PTPRT: variants seen among roughly 807,000 people sequenced by gnomAD.
The protein encoded by PTPRT is receptor-type tyrosine-protein phosphatase T.
PTPRT carries 56 observed loss-of-function variants against 176.8 expected under a neutral mutation model. The observed-to-expected ratio is 0.32, with a 90% CI of 0.26 to 0.40. The LOEUF (loss-of-function observed/expected upper bound fraction) is 0.40. Ranked by LOEUF, PTPRT falls within the 10% of genes least tolerant of loss-of-function variation. The probability of loss-of-function intolerance (pLI) is 1.00; values close to 1 mark genes in which losing one functional copy is unlikely to be tolerated. For missense variants in PTPRT, 1,540 were observed against 1,908.2 expected, an observed-to-expected ratio of 0.81 and a Z score of 3.60; for synonymous variants, 783 against 739.0, an observed-to-expected ratio of 1.06 and a Z score of -0.96.
chr20:43,102,741 G>A (rs1303480322), intron 1 of PTPRT, among the ~76,000 whole-genome samples: 2 of 152,130 alleles, frequency 1.3e-5, no homozygotes, highest in Non-Finnish European at 2.9e-5. Flanking sequence ...ACTGCACGCT[G>A]GTACCTATGG....
At chr20:43,094,151 G>A (rs559990282) in intron 1 of PTPRT, among the ~76,000 whole-genome samples, 25 of 146,846 alleles carry the variant, frequency 1.7e-4, no homozygotes, top group Non-Finnish European at 3.1e-4. Context: ...GCAGTGGCGC[G>A]ATCTAGGCTC....
At chr20:42,693,773 T>G (rs969975573) in intron 6 of PTPRT, among the ~76,000 whole-genome samples, 2 of 152,124 alleles carry the variant, frequency 1.3e-5, no homozygotes, top group African/African-American at 4.8e-5. Context: ...AAATAGAATG[T>G]TTCTGACCCT....
At chr20:42,793,428 T>C (rs1341520865) in intron 2 of PTPRT, among the ~76,000 whole-genome samples, 1 of 152,232 alleles carries the variant, frequency 6.6e-6, no homozygotes, top group African/African-American at 2.4e-5. Flanking sequence ...AGTGAGAACA[T>C]GCCGTATTGA....
At chr20:42,905,896 A>G (rs1185052128) in intron 1 of PTPRT, among the ~76,000 whole-genome samples, 6 of 144,594 alleles carry the variant, frequency 4.1e-5, no homozygotes, top group Admixed American at 1.4e-4. Context: ...AGCAGGGAAC[A>G]TCACACACTG....
chr20:42,685,241 A>G (rs894719167), intron 6 of PTPRT, among the ~76,000 whole-genome samples: 1 of 152,246 alleles, frequency 6.6e-6, no homozygotes, highest in African/African-American at 2.4e-5. Context: ...TGAAGAACGC[A>G]GAGAAGAAAA....
intron 2 of PTPRT, among the ~76,000 whole-genome samples, chr20:42,815,303 G>A (rs142300394): frequency 6.6e-6 from 1 of 152,230 alleles, no homozygotes; most frequent in East Asian, 1.9e-4. Context: ...GGGTAGGGGG[G>A]ATAGAGTGTG....
At chr20:42,900,472 T>G (rs2079384441) in intron 1 of PTPRT, among the ~76,000 whole-genome samples, 1 of 152,098 alleles carries the variant, frequency 6.6e-6, no homozygotes, top group Non-Finnish European at 1.5e-5. Context: ...AGCACTTCCT[T>G]TCATCACAGC....
At chr20:42,481,804 A>G (rs76119637) in intron 7 of PTPRT, among the ~76,000 whole-genome samples, 23,022 of 142,814 alleles carry the variant, frequency 0.16, 1,884 homozygotes, top group South Asian at 0.23. Context: ...ACACACACAC[A>G]CGCGCGCATG....
intron 7 of PTPRT, among the ~76,000 whole-genome samples, chr20:42,639,866 A>T (rs972372977): frequency 6.6e-6 from 1 of 151,636 alleles, no homozygotes; most frequent in African/African-American, 2.4e-5. Flanking sequence ...CTGTCTTTTT[A>T]CTCTGGCCAT....
At chr20:42,931,464 G>T (rs1411263736) in intron 1 of PTPRT, among the ~76,000 whole-genome samples, 4 of 152,196 alleles carry the variant, frequency 2.6e-5, no homozygotes, top group Non-Finnish European at 4.4e-5. Flanking sequence ...TATGCATTTT[G>T]TCATGACAGC....
intron 7 of PTPRT, among the ~76,000 whole-genome samples, chr20:42,535,885 C>G (rs1469838084): frequency 6.6e-6 from 1 of 152,152 alleles, no homozygotes; most frequent in Non-Finnish European, 1.5e-5. Context: ...AGGGGCAACA[C>G]AAAGATTGCA....
Position 42,659,501 on chromosome 20 carries a change from C to T in PTPRT, c.1153+18365G>A, listed in dbSNP as rs186301906. Among the ~76,000 whole-genome samples the T allele has an allele frequency of 5.2e-4, 79 of 152,320 alleles. 1 individual carries two copies. Among genetic ancestry groups the T allele is most frequent in the African/African-American group, 1.8e-3 (76 of 41,568 alleles). ...CAAACTACCAGATGCGCCAGCCAGA[C>T]ACAGAGGTCTGTCCTCAGGGAGTTA... On this transcript the variant is annotated intron_variant, in intron 7 of 30. Coordinates refer to ENST00000373187, the MANE Select transcript of PTPRT (RefSeq NM_007050.6).
At chr20:42,722,486 A>C (rs2076318772) in intron 6 of PTPRT, among the ~76,000 whole-genome samples, 1 of 152,114 alleles carries the variant, frequency 6.6e-6, no homozygotes, top group Admixed American at 6.5e-5. Flanking sequence ...TCTACTGTAA[A>C]TGGGCTGGCT....
intron 9 of PTPRT, among the ~76,000 whole-genome samples, chr20:42,356,829 C>A (rs1248617871): frequency 6.6e-6 from 1 of 152,084 alleles, no homozygotes; most frequent in Non-Finnish European, 1.5e-5. Flanking sequence ...GCTCGTCCTC[C>A]CCCCAGCACC....
At chr20:43,075,491 C>T (rs1261948064) in intron 1 of PTPRT, among the ~76,000 whole-genome samples, 1 of 152,256 alleles carries the variant, frequency 6.6e-6, no homozygotes. Flanking sequence ...CAGGTTCCAT[C>T]CCACAGGTTG....
rs1343724748 is a variant in PTPRT at position 43,189,810 on chromosome 20, C to T, written c.-77G>A. 31 of 792,004 alleles carry T rather than the reference C, an allele frequency of 3.9e-5. No homozygotes were observed. The highest frequency in any genetic ancestry group is 4.5e-5 in the Non-Finnish European group (29 of 649,016). 49.1% of individuals were successfully genotyped at this position (792,004 alleles called of 1,614,324 possible). ...CTGGGGCGGGCGCGGGGTGGCCCCGCATCGCCGGCGCGGCCGCTGGCTGTG... is the reference window on the plus strand; with the variant it reads ...CTGGGGCGGGCGCGGGGTGGCCCCGTATCGCCGGCGCGGCCGCTGGCTGTG... On this transcript the variant is annotated 5_prime_UTR_variant, in exon 1 of 31. It removes an upstream start codon present in the reference 5' UTR. Coordinates refer to ENST00000373187, the MANE Select transcript of PTPRT (RefSeq NM_007050.6). The surrounding 1 kb of genome is among the most constrained non-coding windows in gnomAD (Gnocchi z 5.0).
chr20:42,372,066 A>G (rs563750749), intron 9 of PTPRT, among the ~76,000 whole-genome samples: 2 of 152,248 alleles, frequency 1.3e-5, no homozygotes, highest in Admixed American at 1.3e-4. Context: ...CCCTGTATCA[A>G]GAGACTCCAA....
intron 1 of PTPRT, among the ~76,000 whole-genome samples, chr20:43,100,719 G>A (rs964541604): frequency 5.3e-5 from 8 of 152,146 alleles, no homozygotes; most frequent in African/African-American, 1.9e-4. Context: ...GGGGAAAAGA[G>A]ACACAAAACC....
chr20:42,732,288 C>A (rs975237251), intron 6 of PTPRT, among the ~76,000 whole-genome samples: 3 of 152,208 alleles, frequency 2.0e-5, no homozygotes, highest in Non-Finnish European at 4.4e-5. Flanking sequence ...CCAATCACAG[C>A]AGAAAGCTCT....
Sources: allele counts gnomAD v4.1 joint callset (sites outside exome capture counted in the v4.1 genomes callset), GRCh38; gene constraint gnomAD v4.1.1; non-coding constraint Gnocchi (gnomAD v3.1); transcripts MANE v1.5; gene names NCBI Gene and HGNC (gene_info 2026-07-23, HGNC 2026-07-21).